The following NBAS variants were observed in gnomAD, a reference collection of about 807,000 sequenced individuals.
NBAS encodes NBAS subunit of NRZ tethering complex.
A neutral mutation model predicts 302.5 loss-of-function variants in NBAS; 219 were observed. That is an observed-to-expected ratio of 0.72 (90% CI 0.65 to 0.81). The LOEUF (loss-of-function observed/expected upper bound fraction) is 0.81. Ranked by LOEUF, NBAS falls within the 30% of genes least tolerant of loss-of-function variation. NBAS has a pLI of 0.00. For missense variants in NBAS, 2,932 were observed against 2,841.6 expected (o/e 1.03, Z -0.72); for synonymous variants, 1,118 against 1,021.6 (o/e 1.09, Z -1.80).
At chr2:15,127,809 A>G in the NBAS span, among the ~76,000 whole-genome samples, 2 of 152,146 alleles carry the variant, frequency 1.3e-5, no homozygotes, top group Non-Finnish European at 2.9e-5. Flanking sequence ...GTGGGCCCCA[A>G]GATTGGGCTC....
chr2:15,201,572 CTG>C (rs1665880241), intron 48 of NBAS, among the ~76,000 whole-genome samples: 1 of 152,088 alleles, frequency 6.6e-6, no homozygotes, highest in South Asian at 2.1e-4. Context: ...AATATTATGA[CTG>C]TTATTTTTAT....
chr2:15,424,549 A>T, intron 22 of NBAS, 81 bp from the exon 23 acceptor site: 2 of 1,487,312 alleles, frequency 1.3e-6, no homozygotes. Flanking sequence ...AGACAGGGAC[A>T]GAGATGGGGA....
chr2:15,033,984 G>GGAAGAAGAAGAAGAAGAAGAAGAAGAA, the NBAS span, among the ~76,000 whole-genome samples: 432 of 56,300 alleles, frequency 7.7e-3, 13 homozygotes, highest in Middle Eastern at 0.02. Context: ...AAGAGGAAGA[G>GGAAGAAGAAGAAGAAGAAGAAGAAGAA]GAAGAAGAAG....
intron 44 of NBAS, among the ~76,000 whole-genome samples, chr2:15,270,004 C>A (rs1669243337): frequency 6.6e-6 from 1 of 152,174 alleles, no homozygotes; most frequent in South Asian, 2.1e-4. Flanking sequence ...AATGCAGAAA[C>A]TAACATGAGA....
chr2:14,797,409 G>C, the NBAS span, among the ~76,000 whole-genome samples: 12 of 152,234 alleles, frequency 7.9e-5, no homozygotes, highest in African/African-American at 2.9e-4. Flanking sequence ...ATGATGGCAA[G>C]TGGTGGTGGG....
intron 28 of NBAS, among the ~76,000 whole-genome samples, chr2:15,386,826 T>C (rs1675321532): frequency 6.6e-6 from 1 of 152,182 alleles, no homozygotes; most frequent in South Asian, 2.1e-4. Context: ...TTTAAATATA[T>C]ATTGGATGTA....
the NBAS span, among the ~76,000 whole-genome samples, chr2:14,863,229 A>T: frequency 1.3e-5 from 2 of 152,238 alleles, no homozygotes; most frequent in African/African-American, 4.8e-5. Context: ...GTTGTCATGC[A>T]TGTCCATATA....
At chr2:15,277,221 A>G in intron 42 of NBAS, 120 bp from the exon 43 acceptor site, 1 of 1,254,388 alleles carries the variant, frequency 8.0e-7, no homozygotes, top group Non-Finnish European at 1.1e-6. Flanking sequence ...CTACTCAAAG[A>G]CAGTAAACCA....
At chr2:15,270,233 C>T (rs1316347384) in intron 44 of NBAS, among the ~76,000 whole-genome samples, 1 of 152,116 alleles carries the variant, frequency 6.6e-6, no homozygotes, top group Non-Finnish European at 1.5e-5. Flanking sequence ...GGCACGATCT[C>T]GGGTCAGTGC....
At chr2:15,302,636 AG>A (rs1234421743) in intron 40 of NBAS, among the ~76,000 whole-genome samples, 9 of 152,188 alleles carry the variant, frequency 5.9e-5, no homozygotes, top group South Asian at 2.1e-4. Context: ...ACACTTTCAA[AG>A]GAAGAGACAA....
intron 40 of NBAS, among the ~76,000 whole-genome samples, chr2:15,301,368 G>A (rs10181295): frequency 0.55 from 83,142 of 152,050 alleles, 24,295 homozygotes; most frequent in East Asian, 0.85. Flanking sequence ...CAGAATGAAC[G>A]TGAAAGGTAC....
chr2:15,489,166 T>C (rs984565040), intron 11 of NBAS, 144 bp from the exon 12 acceptor site: 1 of 916,786 alleles, frequency 1.1e-6, no homozygotes. Context: ...ATTATAAATG[T>C]ACTTCAGCAT....
At chr2:14,843,582 A>AC in the NBAS span, among the ~76,000 whole-genome samples, 3,435 of 150,872 alleles carry the variant, frequency 0.023, 67 homozygotes, top group African/African-American at 0.054. Context: ...ACACACACAC[A>AC]AAAATACCTT....
chr2:15,156,355 A>C, the NBAS span, among the ~76,000 whole-genome samples: 1 of 152,126 alleles, frequency 6.6e-6, no homozygotes, highest in Non-Finnish European at 1.5e-5. Flanking sequence ...TGGCTTCACA[A>C]AGTTTGTTTC....
chr2:15,129,122 C>T, the NBAS span, among the ~76,000 whole-genome samples: 1 of 152,232 alleles, frequency 6.6e-6, no homozygotes, highest in African/African-American at 2.4e-5. Context: ...CCATCAGCAA[C>T]ATTCTTCTTC....
intron 6 of NBAS, among the ~76,000 whole-genome samples, chr2:15,542,217 C>T (rs1256292966): frequency 1.2e-5 from 1 of 85,174 alleles, no homozygotes; most frequent in Non-Finnish European, 2.8e-5. Flanking sequence ...ATTGAGAAAT[C>T]GGATGGTTGC....
the NBAS span, among the ~76,000 whole-genome samples, chr2:14,797,166 GGGGGTGACCCACCTTC>G: frequency 1.8e-5 from 1 of 56,356 alleles, no homozygotes; most frequent in Non-Finnish European, 3.4e-5. Flanking sequence ...CTTTGGGTTG[GGGGGTGACCCACCTTC>G]GGGTAGGCGT....
intron 35 of NBAS, among the ~76,000 whole-genome samples, chr2:15,341,962 A>G (rs1672872797): frequency 6.6e-6 from 1 of 152,226 alleles, no homozygotes; most frequent in African/African-American, 2.4e-5. Flanking sequence ...AATCTTCCAC[A>G]GAGAACACTT....
the NBAS span, among the ~76,000 whole-genome samples, chr2:15,067,471 AGGGGAGAGG>A: frequency 7.9e-6 from 1 of 125,890 alleles, no homozygotes; most frequent in African/African-American, 3.1e-5. Context: ...AGGGGAGAGG[AGGGGAGAGG>A]AGAAGAGAAG....
Sources: allele counts gnomAD v4.1 joint callset (sites outside exome capture counted in the v4.1 genomes callset), GRCh38; gene constraint gnomAD v4.1.1; transcripts MANE v1.5; gene names NCBI Gene and HGNC (gene_info 2026-07-23, HGNC 2026-07-21).